The following DDX10 variants were observed in gnomAD, a reference collection of about 807,000 sequenced individuals.
DDX10 encodes probable ATP-dependent RNA helicase DDX10.
In DDX10, 74 loss-of-function variants were observed where a neutral mutation model predicts 104.3. The observed-to-expected ratio is 0.71, with a 90% CI of 0.59 to 0.86. The LOEUF is 0.86. DDX10 is among the 40% of genes least tolerant of loss of function. The pLI is 0.00. For synonymous variants in DDX10, 351 were observed against 353.4 expected, an observed-to-expected ratio of 0.99 and a Z score of 0.08; for missense variants, 952 against 1,040.0, an observed-to-expected ratio of 0.92 and a Z score of 1.16.
At chr11:108,802,009 G>GT (rs1156340410) in intron 13 of DDX10, among the ~76,000 whole-genome samples, 3 of 78,768 alleles carry the variant, frequency 3.8e-5, no homozygotes, top group East Asian at 4.8e-4. Context: ...AAAGTGAGTG[G>GT]GGTGTGTGTG....
intron 13 of DDX10, among the ~76,000 whole-genome samples, chr11:108,755,561 A>C (rs2134509371): frequency 6.6e-6 from 1 of 152,128 alleles, no homozygotes; most frequent in South Asian, 2.1e-4. Flanking sequence ...TGAACTGTCT[A>C]GCCCTTTATA....
At chr11:108,878,348 A>G (rs1344267983) in intron 16 of DDX10, among the ~76,000 whole-genome samples, 2 of 152,232 alleles carry the variant, frequency 1.3e-5, no homozygotes, top group South Asian at 2.1e-4. Flanking sequence ...TTACATGTCA[A>G]AAGTTTATTT....
At chr11:108,921,346 C>T (rs909059686) in intron 17 of DDX10, 4 of 152,162 alleles carry the variant, frequency 2.6e-5, no homozygotes, top group Admixed American at 6.5e-5. Flanking sequence ...TGCATAGTAG[C>T]GCCAGTAAAG....
chr11:108,667,888 G>A (rs547454566), intron 1 of DDX10, among the ~76,000 whole-genome samples: 3 of 152,264 alleles, frequency 2.0e-5, no homozygotes, highest in East Asian at 3.9e-4. Flanking sequence ...AACTGTCTGC[G>A]ATGATTGGCT....
chr11:108,929,005 T>C (rs1863942846), intron 17 of DDX10, among the ~76,000 whole-genome samples: 1 of 152,236 alleles, frequency 6.6e-6, no homozygotes, highest in Non-Finnish European at 1.5e-5. Context: ...AGTAATGTCA[T>C]GTAACATAGC....
chr11:108,667,105 T>TG (rs2094211120), intron 1 of DDX10, among the ~76,000 whole-genome samples: 1 of 152,224 alleles, frequency 6.6e-6, no homozygotes. Flanking sequence ...TAGTAAATAT[T>TG]GCTTTCAACA....
chr11:108,828,498 C>T (rs1862427029), intron 13 of DDX10, among the ~76,000 whole-genome samples: 1 of 152,082 alleles, frequency 6.6e-6, no homozygotes, highest in Admixed American at 6.6e-5. Context: ...CTTTTTACGG[C>T]TGAATAGTAT....
intron 16 of DDX10, among the ~76,000 whole-genome samples, chr11:108,857,512 T>TTC (rs1383798021): frequency 6.6e-6 from 1 of 152,204 alleles, no homozygotes; most frequent in Non-Finnish European, 1.5e-5. Flanking sequence ...GTGGTTGCAC[T>TTC]TCTCTCTCTC....
At chr11:108,880,436 G>A (rs947288594) in intron 16 of DDX10, among the ~76,000 whole-genome samples, 1 of 152,122 alleles carries the variant, frequency 6.6e-6, no homozygotes, top group Non-Finnish European at 1.5e-5. Context: ...ATCCATAACA[G>A]CATTGCCTTA....
chr11:108,827,076 TTAATC>T (rs1301192578), intron 13 of DDX10, among the ~76,000 whole-genome samples: 2 of 152,210 alleles, frequency 1.3e-5, no homozygotes, highest in East Asian at 1.9e-4. Context: ...AACTGCTAAA[TTAATC>T]TAAGCTTTAG....
At chr11:108,727,088 C>T (rs981978249) in intron 13 of DDX10, among the ~76,000 whole-genome samples, 7 of 151,858 alleles carry the variant, frequency 4.6e-5, no homozygotes, top group Admixed American at 6.6e-5. Flanking sequence ...CTAATATTTT[C>T]GTTAAGGATC....
At chr11:108,826,797 T>C (rs542263948) in intron 13 of DDX10, among the ~76,000 whole-genome samples, 125 of 152,318 alleles carry the variant, frequency 8.2e-4, no homozygotes, top group Non-Finnish European at 1.4e-3. Context: ...TCCAGAACAC[T>C]GAAGCTCTAA....
rs1446282931 is a variant in DDX10 at position 108,675,721 on chromosome 11, G to A, written c.373G>A (p.Val125Ile). 2 of 1,614,048 alleles carry A rather than the reference G, an allele frequency of 1.2e-6. No individual in the cohort carries two copies. Among genetic ancestry groups the A allele is most frequent in the East Asian group, 2.2e-5 (1 of 44,880 alleles). Residue 125 changes from valine to isoleucine, a missense_variant, in exon 3 of 18, where the codon GTT (valine) becomes ATT (isoleucine). Transcript: ENST00000322536. ...TGSGKTLAFL[V>I]PVLEALYRLQ... ...ATCTGGCAAGACTCTGGCTTTTCTT[G>A]TTCCAGTAAGTACATTGTCATTGGG...
chr11:108,856,696 GTCT>G (rs1862874785), intron 16 of DDX10, among the ~76,000 whole-genome samples: 1 of 151,960 alleles, frequency 6.6e-6, no homozygotes, highest in Admixed American at 6.5e-5. Flanking sequence ...TTTTTAAAAA[GTCT>G]TATTATTTGA....
At chr11:108,821,520 TA>T (rs1426270868) in intron 13 of DDX10, among the ~76,000 whole-genome samples, 1 of 152,150 alleles carries the variant, frequency 6.6e-6, no homozygotes, top group African/African-American at 2.4e-5. Context: ...AACTAATAAG[TA>T]AAAATCTGCT....
At position 108,852,188 on chromosome 11, in the gene DDX10, A is replaced by G; in HGVS notation, c.2283A>G (p.Glu761=). 1 of 1,611,412 alleles carries G rather than the reference A, an allele frequency of 6.2e-7. No homozygotes were observed. Among genetic ancestry groups the G allele is most frequent in the Non-Finnish European group, 8.5e-7 (1 of 1,178,362 alleles). ...TGAAAGAAAGGGAAGCCAGAAGAGA[A>G]GCCAACAAGAGACAAGCAAAGGTAA... The part of the protein sequence containing the change: ...KRLKEREARR[E]ANKRQAKAKD... The change falls in exon 16 of 18, where the codon GAA becomes GAG. Residue 761 remains glutamate, a synonymous_variant. Coordinates refer to ENST00000322536, the MANE Select transcript of DDX10 (RefSeq NM_004398.4).
intron 11 of DDX10, among the ~76,000 whole-genome samples, chr11:108,718,050 A>G (rs2094293735): frequency 6.6e-6 from 1 of 152,184 alleles, no homozygotes. Flanking sequence ...CTGTAATGCC[A>G]GCTACTTGGG....
chr11:108,747,400 G>A (rs1174116198), intron 13 of DDX10, among the ~76,000 whole-genome samples: 1 of 152,120 alleles, frequency 6.6e-6, no homozygotes, highest in African/African-American at 2.4e-5. Flanking sequence ...TGCAGTGATT[G>A]ATTAATGAGG....
At chr11:108,932,531 G>A (rs1863987947) in intron 17 of DDX10, among the ~76,000 whole-genome samples, 2 of 151,984 alleles carry the variant, frequency 1.3e-5, no homozygotes, top group Non-Finnish European at 2.9e-5. Flanking sequence ...ATTCTCCATT[G>A]AATCAGAGAT....
Sources: gnomAD v4.1 joint callset for allele counts (sites outside exome capture counted in the v4.1 genomes callset) on GRCh38, gnomAD v4.1.1 for gene constraint, MANE v1.5 for transcripts, NCBI Gene and HGNC (gene_info 2026-07-23, HGNC 2026-07-21) for gene names.